NEMP1: variants seen among roughly 807,000 people sequenced by gnomAD.
NEMP1 encodes nuclear envelope integral membrane protein 1.
NEMP1 carries 29 observed loss-of-function variants against 53.7 expected under a neutral mutation model. The ratio of observed to expected loss-of-function variants is 0.54; its 90% CI spans 0.40 to 0.74. The LOEUF is 0.74. Among genes scored for constraint, NEMP1 ranks in the 30% least tolerant of loss-of-function variants. The pLI is 0.00. For missense variants in NEMP1, 477 were observed against 528.6 expected (o/e 0.90, Z 0.96); for synonymous variants, 193 against 192.9 (o/e 1.00, Z 0.00).
chr12:57,062,679 A>T (rs2031872428), intron 7 of NEMP1, among the ~76,000 whole-genome samples: 1 of 151,774 alleles, frequency 6.6e-6, no homozygotes, highest in Non-Finnish European at 1.5e-5. Context: ...GGGGAACCCT[A>T]CTAAAAATAT....
intron 6 of NEMP1, among the ~76,000 whole-genome samples, chr12:57,063,733 C>T (rs1471297094): frequency 6.6e-6 from 1 of 152,152 alleles, no homozygotes; most frequent in African/African-American, 2.4e-5. Flanking sequence ...AAAAAATTAA[C>T]TGCGGAGTCT....
intron 7 of NEMP1, 42 bp downstream of exon 7, chr12:57,063,077 C>A (rs1565657356): frequency 1.3e-6 from 2 of 1,511,168 alleles, no homozygotes; most frequent in Non-Finnish European, 1.8e-6. Context: ...CTGCATCCCA[C>A]AATGTACCTG....
At chr12:57,075,963 G>A (rs1324978662) in intron 1 of NEMP1, among the ~76,000 whole-genome samples, 1 of 152,156 alleles carries the variant, frequency 6.6e-6, no homozygotes, top group African/African-American at 2.4e-5. Context: ...AATTACCCGG[G>A]CATGGTGGCA....
intron 7 of NEMP1, 67 bp downstream of exon 7, chr12:57,063,052 A>G: frequency 2.3e-6 from 3 of 1,277,974 alleles, no homozygotes; most frequent in Non-Finnish European, 3.4e-6. Flanking sequence ...ACACCTCTGT[A>G]TCCTCTTGCT....
At chr12:57,086,795 C>G (rs984623403) in intron 1 of NEMP1, among the ~76,000 whole-genome samples, 1 of 152,116 alleles carries the variant, frequency 6.6e-6, no homozygotes, top group African/African-American at 2.4e-5. Flanking sequence ...ATACACAAAC[C>G]TAGAGAGAGA....
Position 57,059,776 on chromosome 12 carries a change from C to T in NEMP1, c.*103G>A. On this transcript the variant is annotated 3_prime_UTR_variant, in exon 9 of 9. Transcript: ENST00000300128. ...TTATTTCAGTAGGAGAATTTCTACC[C>T]TATCTATCTCACTCTGTTTCAAAGG... 4 of 1,059,778 alleles carry T rather than the reference C, an allele frequency of 3.8e-6. No individual in the cohort carries two copies. Among genetic ancestry groups the T allele is most frequent in the East Asian group, 2.6e-5 (1 of 39,154 alleles). The allele number at this position is 1,059,778 out of a possible 1,614,324, so 65.6% of individuals were successfully genotyped here.
intron 7 of NEMP1, among the ~76,000 whole-genome samples, chr12:57,062,362 C>T (rs966617990): frequency 1.3e-5 from 2 of 152,106 alleles, no homozygotes; most frequent in African/African-American, 2.4e-5. Flanking sequence ...CACCCGTAGT[C>T]CCAACTATTC....
At chr12:57,078,922 G>A (rs905708616), upstream of NEMP1, among the ~76,000 whole-genome samples, 1 of 152,234 alleles carries the variant, frequency 6.6e-6, no homozygotes, top group Admixed American at 6.5e-5. Flanking sequence ...CAACTGAAGA[G>A]AGAGGGCGGG....
intron 4 of NEMP1, among the ~76,000 whole-genome samples, chr12:57,067,626 TGACTATA>T (rs1398711920): frequency 6.6e-6 from 1 of 152,200 alleles, no homozygotes; most frequent in Non-Finnish European, 1.5e-5. Context: ...AAGTGATGTG[TGACTATA>T]TTTGCCCAAA....
upstream of NEMP1, among the ~76,000 whole-genome samples, chr12:57,082,218 AAACAAC>A (rs780660458): frequency 6.6e-6 from 1 of 152,054 alleles, no homozygotes; most frequent in Non-Finnish European, 1.5e-5. Context: ...GACTCAGTCT[AAACAAC>A]AACAACAACA....
At chr12:57,065,261 T>G (rs1405887962) in intron 4 of NEMP1, among the ~76,000 whole-genome samples, 1 of 152,236 alleles carries the variant, frequency 6.6e-6, no homozygotes, top group African/African-American at 2.4e-5. Context: ...CAATACTGTC[T>G]GATAGCATTT....
rs2031717077 is a variant in NEMP1, at chr12:57,059,939, A to G, written c.1275T>C (p.Ser425=). 9 of 1,613,690 alleles carry G rather than the reference A, an allele frequency of 5.6e-6. No homozygotes were observed. The highest frequency in any genetic ancestry group is 5.1e-6 in the Non-Finnish European group (6 of 1,179,864). The change falls in exon 9 of 9, where the codon TCT becomes TCC. Residue 425 remains serine (S), a synonymous_variant. Transcript: ENST00000300128. ...AQDEIYEEAS[S]EEEDSYSRCP... The stretch of plus-strand genomic sequence containing the variant: ...ACCGAGAATATGAGTCCTCCTCCTC[A>G]GAGGATGCTTCCTCATAGATTTCAT...
chr12:57,065,705 G>T (rs2032039461), intron 4 of NEMP1, among the ~76,000 whole-genome samples: 1 of 151,660 alleles, frequency 6.6e-6, no homozygotes, highest in Non-Finnish European at 1.5e-5. Flanking sequence ...TCACCATGTT[G>T]CTCAGGCTGG....
At chr12:57,073,020 A>G (rs970216424) in intron 1 of NEMP1, 108 bp from the exon 2 acceptor site, 2 of 978,748 alleles carry the variant, frequency 2.0e-6, no homozygotes, top group African/African-American at 3.3e-5. Flanking sequence ...GGGTTAAAAC[A>G]TTAGCCAGAC....
rs1356568520 is a variant in NEMP1 at position 57,057,122 on chromosome 12, G to A, written c.*2757C>T. On this transcript the variant is annotated 3_prime_UTR_variant, in exon 9 of 9. Coordinates refer to ENST00000300128, the MANE Select transcript of NEMP1 (RefSeq NM_001130963.2). ...AAATGTTTTATGCCAGCTGCCTCTT[G>A]TATTCCCATTAATGGGAGTCTCTAC... 2 of 152,312 alleles carry A rather than the reference G, an allele frequency of 1.3e-5. No homozygotes were observed. The highest frequency in any genetic ancestry group is 1.9e-4 in the East Asian group (1 of 5,190). The allele number at this position is 152,312 out of a possible 1,614,324, so 9.4% of individuals were successfully genotyped here.
chr12:57,083,747 T>C, upstream of NEMP1, among the ~76,000 whole-genome samples: 2 of 152,228 alleles, frequency 1.3e-5, no homozygotes, highest in East Asian at 3.8e-4. Context: ...CAGATTAGGT[T>C]TTATTGTCAA....
chr12:57,067,310 C>T (rs1346514263), intron 4 of NEMP1, among the ~76,000 whole-genome samples: 1 of 149,528 alleles, frequency 6.7e-6, no homozygotes, highest in Non-Finnish European at 1.5e-5. Flanking sequence ...GGCGACAGAG[C>T]GAGACTCTGT....
At chr12:57,066,693 G>A (rs1384920187) in intron 4 of NEMP1, among the ~76,000 whole-genome samples, 1 of 152,188 alleles carries the variant, frequency 6.6e-6, no homozygotes, top group South Asian at 2.1e-4. Flanking sequence ...GTCTAATATG[G>A]TTTGGCTGTG....
chr12:57,084,351 G>A (rs1324813974), intron 1 of NEMP1, among the ~76,000 whole-genome samples: 1 of 152,148 alleles, frequency 6.6e-6, no homozygotes, highest in Non-Finnish European at 1.5e-5. Context: ...CTATTCCAGA[G>A]TTTTGAGAAG....
Sources: gnomAD v4.1 joint callset for allele counts (sites outside exome capture counted in the v4.1 genomes callset) on GRCh38, gnomAD v4.1.1 for gene constraint, MANE v1.5 for transcripts, NCBI Gene and HGNC (gene_info 2026-07-23, HGNC 2026-07-21) for gene names.